Variants in NCBP1 observed in about 807,000 individuals in gnomAD.
NCBP1 encodes nuclear cap-binding protein subunit 1.
In NCBP1, 16 loss-of-function variants were observed where a neutral mutation model predicts 111.7. The observed-to-expected ratio is 0.14, with a 90% CI of 0.10 to 0.22. NCBP1 has a LOEUF of 0.22. Among genes scored for constraint, NCBP1 ranks in the 10% least tolerant of loss-of-function variants. The pLI is 1.00. For synonymous variants in NCBP1, 304 were observed against 314.3 expected, an observed-to-expected ratio of 0.97 and a Z score of 0.35; for missense variants, 607 against 957.5, an observed-to-expected ratio of 0.63 and a Z score of 4.83.
intron 4 of NCBP1, among the ~76,000 whole-genome samples, chr9:97,644,652 T>C (rs1192124171): frequency 6.6e-6 from 1 of 152,134 alleles, no homozygotes; most frequent in Non-Finnish European, 1.5e-5. Flanking sequence ...TCAGTGAAAA[T>C]TACAGCCAAA....
At chr9:97,661,523 C>T (rs1328975493) in intron 16 of NCBP1, among the ~76,000 whole-genome samples, 1 of 152,084 alleles carries the variant, frequency 6.6e-6, no homozygotes, top group Non-Finnish European at 1.5e-5. Context: ...ATACAGTTGC[C>T]TGAATCAATA....
intron 1 of NCBP1, among the ~76,000 whole-genome samples, chr9:97,636,422 C>T (rs1278865353): frequency 4.0e-5 from 6 of 148,346 alleles, no homozygotes; most frequent in Non-Finnish European, 5.9e-5. Context: ...ATGCTTGACT[C>T]TCTATATATA....
At chr9:97,649,613 C>G (rs931981745) in intron 8 of NCBP1, among the ~76,000 whole-genome samples, 3 of 152,156 alleles carry the variant, frequency 2.0e-5, no homozygotes, top group Non-Finnish European at 2.9e-5. Context: ...TATCAGCTTG[C>G]TGCCGTCTTT....
chr9:97,657,293 T>C (rs1041245138), intron 14 of NCBP1, among the ~76,000 whole-genome samples: 15 of 152,192 alleles, frequency 9.9e-5, no homozygotes, highest in Admixed American at 9.8e-4. Context: ...CAGGTACATA[T>C]ATAGTGTTGA....
intron 21 of NCBP1, 125 bp from the exon 22 acceptor site, chr9:97,669,468 C>T: frequency 1.6e-6 from 1 of 642,606 alleles, no homozygotes; most frequent in Non-Finnish European, 2.8e-6. Context: ...ATAATGGAAG[C>T]TAGGCACACA....
At position 97,635,226 on chromosome 9, in the gene NCBP1, C is replaced by T. The variant is rs374650801; in HGVS notation, c.34+1311C>T. Among the ~76,000 whole-genome samples the T allele has an allele frequency of 2.9e-4, 44 of 152,276 alleles. No individual in the cohort carries two copies. In the South Asian group the frequency reaches 6.6e-3, roughly 23 times the overall value. On this transcript the variant is annotated intron_variant, in intron 1 of 22. Coordinates refer to ENST00000375147, the MANE Select transcript of NCBP1 (RefSeq NM_002486.5). ...AGCTTTCTATCTGACACCTAAGGGT[C>T]TAGAGACTGAGCATAACTAAGATGG...
intron 10 of NCBP1, among the ~76,000 whole-genome samples, chr9:97,653,365 C>T (rs777318782): frequency 6.6e-6 from 1 of 152,178 alleles, no homozygotes; most frequent in Non-Finnish European, 1.5e-5. Context: ...AAGTAATCTG[C>T]CTGCCTCAGC....
At chr9:97,669,921 C>T in intron 22 of NCBP1, 1 of 579,872 alleles carries the variant, frequency 1.7e-6, no homozygotes, top group Non-Finnish European at 3.1e-6. Flanking sequence ...CCCAACAACC[C>T]CCCGCCCCAC....
At chr9:97,653,320 C>T (rs1387171058) in intron 10 of NCBP1, among the ~76,000 whole-genome samples, 1 of 151,980 alleles carries the variant, frequency 6.6e-6, no homozygotes, top group Admixed American at 6.6e-5. Context: ...AGAGTTTCAC[C>T]GTGTTGGCCA....
intron 10 of NCBP1, among the ~76,000 whole-genome samples, chr9:97,653,147 G>T (rs1827546252): frequency 7.1e-6 from 1 of 141,586 alleles, no homozygotes. Flanking sequence ...TTGAGATGGA[G>T]TCTCGCTCTG....
At position 97,660,984 on chromosome 9, in the gene NCBP1, G is replaced by A. The variant is rs1827818904; in HGVS notation, c.1516G>A (p.Val506Ile). 1 of 1,612,264 alleles carries A rather than the reference G, an allele frequency of 6.2e-7. No individual in the cohort carries two copies. The highest frequency in any genetic ancestry group is 1.3e-5 in the African/African-American group (1 of 74,852). ...ACATTCTGTTGCCCTCTGTTTAGCT[G>A]TTGCCTTTAAAAGTAAGGCAACCAA... ...PGHSVALCLAVAFKSKATNDE... is the reference protein window; with the variant it reads ...PGHSVALCLAIAFKSKATNDE... The change falls in exon 16 of 23, where the codon GTT becomes ATT. Residue 506 changes from valine (V) to isoleucine (I), a missense_variant. Physicochemically the swap from Val to Ile is conservative, Grantham distance 29 (BLOSUM62 3). Around this residue, in one of 9 missense-constraint regions of NCBP1, gnomAD observed 282 missense variants for 376.5 expected, o/e 0.75. Coordinates refer to ENST00000375147, the MANE Select transcript of NCBP1 (RefSeq NM_002486.5).
rs118098251 is a variant in NCBP1 at position 97,648,268 on chromosome 9, T to C, written c.897+45T>C. 13,200 of 1,569,252 alleles carry C rather than the reference T, an allele frequency of 8.4e-3. 788 individuals carry two copies. In the Admixed American group the frequency reaches 0.11, roughly 13 times the overall value. Reference sequence around the variant, plus strand: ...TCCTAGATATTGACCTGTGTTGCATTGTGCTTGTGGGTTAATCCCGCTTGA... The same window carrying C: ...TCCTAGATATTGACCTGTGTTGCATCGTGCTTGTGGGTTAATCCCGCTTGA... On this transcript the variant is annotated intron_variant, in intron 8 of 22. Coordinates refer to ENST00000375147, the MANE Select transcript of NCBP1 (RefSeq NM_002486.5).
At chr9:97,667,694 C>G (rs73500314) in intron 20 of NCBP1, among the ~76,000 whole-genome samples, 86 of 152,318 alleles carry the variant, frequency 5.6e-4, no homozygotes, top group African/African-American at 2.0e-3. Flanking sequence ...CACACTGTTT[C>G]TAGAAGTGTG....
intron 1 of NCBP1, among the ~76,000 whole-genome samples, chr9:97,639,836 A>G (rs1373541090): frequency 1.3e-5 from 2 of 152,202 alleles, no homozygotes; most frequent in Non-Finnish European, 2.9e-5. Context: ...GTCTTAATAG[A>G]CAGGTGTTTG....
At chr9:97,667,299 A>T (rs1186358379) in intron 20 of NCBP1, among the ~76,000 whole-genome samples, 3 of 152,198 alleles carry the variant, frequency 2.0e-5, no homozygotes, top group Admixed American at 6.5e-5. Context: ...AATACTTCTC[A>T]TAGTATTAAT....
At chr9:97,668,010 G>A (rs1372695777) in intron 20 of NCBP1, among the ~76,000 whole-genome samples, 1 of 152,206 alleles carries the variant, frequency 6.6e-6, no homozygotes, top group East Asian at 1.9e-4. Flanking sequence ...GCAAGATTCT[G>A]TGATATCCGA....
Position 97,640,825 on chromosome 9 carries a change from T to A in NCBP1, c.66T>A (p.Ser22=). 3.1e-6 allele frequency: 5 copies of A among 1,610,214 alleles called. No homozygotes were observed. The highest frequency in any genetic ancestry group is 4.2e-6 in the Non-Finnish European group (5 of 1,178,332). The stretch of plus-strand genomic sequence containing the variant: ...AGCCTCACAAAAGGAGAAAGACCTC[T>A]GATGCAAATGAAACTGAAGATCATT... The part of the protein sequence containing the change: ...GGQPHKRRKT[S]DANETEDHLE... The change falls in exon 2 of 23, where the codon TCT becomes TCA. Residue 22 remains serine, a synonymous_variant. Transcript: ENST00000375147.
At chr9:97,647,367 T>C (rs771557028) in intron 6 of NCBP1, 125 bp from the exon 7 acceptor site, 48 of 661,978 alleles carry the variant, frequency 7.3e-5, no homozygotes, top group Non-Finnish European at 1.1e-4. Flanking sequence ...AAACAGTTGA[T>C]ATCTGCCACT....
chr9:97,658,583 T>C (rs747295671), intron 14 of NCBP1, 57 bp from the exon 15 acceptor site: 31 of 1,317,920 alleles, frequency 2.4e-5, no homozygotes, highest in Non-Finnish European at 3.2e-5. Context: ...AAGTCGGGTG[T>C]TACCGAAGAA....
Sources: gnomAD v4.1 joint callset for allele counts (sites outside exome capture counted in the v4.1 genomes callset) on GRCh38, gnomAD v4.1.1 for gene constraint, gnomAD v4.1.1 regional missense constraint, MANE v1.5 for transcripts, NCBI Gene and HGNC (gene_info 2026-07-23, HGNC 2026-07-21) for gene names.